Variants in LLGL1 observed in about 807,000 individuals in gnomAD.
LLGL1 encodes lethal(2) giant larvae protein homolog 1.
Under a neutral mutation model 110.6 loss-of-function variants are expected in LLGL1, and 58 were observed. That is an observed-to-expected ratio of 0.52 (90% CI 0.42 to 0.65). LLGL1 has a LOEUF of 0.65. LLGL1 is among the 30% of genes least tolerant of loss of function. The pLI is 0.00. For missense variants in LLGL1, 1,229 were observed against 1,462.1 expected (o/e 0.84, Z 2.60); for synonymous variants, 674 against 607.2 (o/e 1.11, Z -1.62).
intron 16 of LLGL1, among the ~76,000 whole-genome samples, chr17:18,239,746 G>A (rs1404890011): frequency 6.6e-6 from 1 of 151,826 alleles, no homozygotes; most frequent in Non-Finnish European, 1.5e-5. Context: ...GGGGTGGGGG[G>A]TTCTTTGACT....
At chr17:18,226,263 C>G (rs1169965955) in intron 1 of LLGL1, among the ~76,000 whole-genome samples, 3 of 152,216 alleles carry the variant, frequency 2.0e-5, no homozygotes, top group African/African-American at 7.2e-5. Context: ...GTGTCTCTCT[C>G]TCTGTCTCTG....
At chr17:18,238,318 G>A (rs1033875817) in intron 15 of LLGL1, 104 bp downstream of exon 15, 14 of 1,577,238 alleles carry the variant, frequency 8.9e-6, no homozygotes, top group Admixed American at 8.5e-5. Context: ...CTCCTCCCTC[G>A]GCAGCCCCTG....
At chr17:18,235,757 A>C in intron 11 of LLGL1, 1 of 562,170 alleles carries the variant, frequency 1.8e-6, no homozygotes, top group Non-Finnish European at 3.2e-6. Context: ...AGCTCTACCA[A>C]ACCCCAGGGC....
chr17:18,241,522 C>T lies in LLGL1; in HGVS notation c.2574C>T (p.Arg858=), dbSNP rs944372668. 8.7e-6 allele frequency: 14 copies of T among 1,613,762 alleles called. No individual in the cohort carries two copies. Among genetic ancestry groups the T allele is most frequent in the Admixed American group, 8.3e-5 (5 of 59,992 alleles). The change falls in exon 18 of 23, where the codon CGC becomes CGT. Residue 858 remains arginine, a synonymous_variant. Coordinates refer to ENST00000316843, the MANE Select transcript of LLGL1 (RefSeq NM_004140.4). ...KLTAHEGCRV[R]KVALATFASV... ...CGGCCCATGAGGGCTGTCGTGTGCG[C>T]AAGGTGGCACTGGCCACGTTTGCCA...
At chr17:18,237,982 C>A in intron 14 of LLGL1, 85 bp from the exon 15 acceptor site, 1 of 1,505,498 alleles carries the variant, frequency 6.6e-7, no homozygotes, top group Non-Finnish European at 9.1e-7. Flanking sequence ...ACTCCCTGAC[C>A]TGGGTGCCTC....
chr17:18,231,302 C>T (rs903557996), intron 2 of LLGL1, among the ~76,000 whole-genome samples: 5 of 152,214 alleles, frequency 3.3e-5, no homozygotes, highest in African/African-American at 4.8e-5. Flanking sequence ...ATCTCCTTGA[C>T]GACCCTGGTT....
intron 1 of LLGL1, 30 bp downstream of exon 1, chr17:18,225,793 G>C: frequency 1.0e-6 from 1 of 954,984 alleles, no homozygotes. Context: ...CCGGGCTCGG[G>C]CGGGAGGGGG....
rs1242245617 is a variant in LLGL1, at chr17:18,240,847, C to T, written c.2476C>T (p.Leu826Phe). ...TGACATGCAGGGTGGTCACGCTGTGCTCATCGCATCTGAGGAGCAGTTCAA... is the reference window on the plus strand; with the variant it reads ...TGACATGCAGGGTGGTCACGCTGTGTTCATCGCATCTGAGGAGCAGTTCAA... ...APDMQGGHAVLIASEEQFKVF... is the reference protein window; with the variant it reads ...APDMQGGHAVFIASEEQFKVF... Residue 826 changes from leucine (L) to phenylalanine (F), a missense_variant, in exon 17 of 23, where the codon CTC becomes TTC. By Grantham distance (22) the Leu-to-Phe change is conservative. Coordinates refer to ENST00000316843, the MANE Select transcript of LLGL1 (RefSeq NM_004140.4). The surrounding 1 kb of genome is among the most constrained non-coding windows in gnomAD (Gnocchi z 5.3). The T allele has an allele frequency of 6.5e-7, 1 of 1,547,396 alleles. No homozygotes were observed. The highest frequency in any genetic ancestry group is 8.8e-7 in the Non-Finnish European group (1 of 1,141,002).
At chr17:18,233,243 C>T (rs1459110245) in intron 4 of LLGL1, among the ~76,000 whole-genome samples, 1 of 152,090 alleles carries the variant, frequency 6.6e-6, no homozygotes, top group African/African-American at 2.4e-5. Context: ...CAAGGAGGGT[C>T]CCATGGGCTG....
Position 18,240,523 on chromosome 17 carries a change from C to G in LLGL1, c.2207-55C>G. 3.3e-6 allele frequency: 5 copies of G among 1,529,576 alleles called. No individual in the cohort carries two copies. In the South Asian group the frequency reaches 6.3e-5, roughly 19 times the overall value. 94.8% of individuals were successfully genotyped at this position (1,529,576 alleles called of 1,614,324 possible). On this transcript the variant is annotated intron_variant, in intron 16 of 22. Coordinates refer to ENST00000316843, the MANE Select transcript of LLGL1 (RefSeq NM_004140.4). This position sits in a 1 kb window ranked among gnomAD's most constrained non-coding sequence, Gnocchi z 5.3. ...GGACCTGCAGTCTGTGGGAAGACCC[C>G]AGGGGAGATGCCTGGCCCACAGGGA... is the stretch of plus-strand genomic sequence containing the variant.
rs752613461 is a variant in LLGL1 at position 18,233,926 on chromosome 17, G to A, written c.541G>A (p.Val181Ile). The change falls in exon 5 of 23, where the codon GTT becomes ATT. Residue 181 changes from valine (V) to isoleucine (I), a missense_variant. Transcript: ENST00000316843. ...GGGGCAGACGCTTGCCCCAGGCGAG[G>A]TTCTGCGCAGGTAAGAGGCCGGTGG... ...LEGQTLAPGE[V>I]LRSVPDDYRC... 1 of 1,612,374 alleles carries A rather than the reference G, an allele frequency of 6.2e-7. No homozygotes were observed. The highest frequency in any genetic ancestry group is 1.3e-5 in the African/African-American group (1 of 74,934).
chr17:18,241,753 C>G, intron 18 of LLGL1, 38 bp downstream of exon 18: 1 of 1,608,042 alleles, frequency 6.2e-7, no homozygotes, highest in Non-Finnish European at 8.5e-7. Flanking sequence ...CTTCCTCAGG[C>G]GAGCGAACTG....
At chr17:18,228,305 A>G (rs1188486396) in intron 1 of LLGL1, among the ~76,000 whole-genome samples, 1 of 152,176 alleles carries the variant, frequency 6.6e-6, no homozygotes, top group East Asian at 1.9e-4. Context: ...CTCCTGAGCG[A>G]CAGGAAGTGC....
rs745927303 is a variant in LLGL1, at chr17:18,232,780, C to T, written c.370C>T (p.Arg124Trp). 25 of 1,613,898 alleles carry T rather than the reference C, an allele frequency of 1.5e-5. No individual in the cohort carries two copies. The Admixed American group carries it at 2.5e-4, about 16-fold the overall frequency. The change falls in exon 4 of 23, where the codon CGG becomes TGG. Residue 124 changes from arginine to tryptophan, a missense_variant. Transcript: ENST00000316843. ...EEALSFQLPS[R>W]PGFDGASAPL... Reference sequence around the variant, plus strand: ...AGCACTCAGTTTCCAGCTGCCCAGCCGGCCCGGCTTTGATGGTGCCAGGTA... The same window carrying T: ...AGCACTCAGTTTCCAGCTGCCCAGCTGGCCCGGCTTTGATGGTGCCAGGTA...
chr17:18,240,852 C>G lies in LLGL1; in HGVS notation c.2481C>G (p.Ile827Met). The change falls in exon 17 of 23, where the codon ATC becomes ATG. Residue 827 changes from isoleucine to methionine, a missense_variant. Coordinates refer to ENST00000316843, the MANE Select transcript of LLGL1 (RefSeq NM_004140.4). The surrounding 1 kb of genome is among the most constrained non-coding windows in gnomAD (Gnocchi z 5.3). ...PDMQGGHAVL[I>M]ASEEQFKVFT... ...TGCAGGGTGGTCACGCTGTGCTCATCGCATCTGAGGAGCAGTTCAAGGTGA... is the reference window on the plus strand; with the variant it reads ...TGCAGGGTGGTCACGCTGTGCTCATGGCATCTGAGGAGCAGTTCAAGGTGA... 6.5e-7 allele frequency: 1 copy of G among 1,544,510 alleles called. No homozygotes were observed. The highest frequency in any genetic ancestry group is 8.8e-7 in the Non-Finnish European group (1 of 1,139,270).
At chr17:18,236,410 TG>T in intron 11 of LLGL1, 196 bp from the exon 12 acceptor site, 1 of 579,612 alleles carries the variant, frequency 1.7e-6, no homozygotes, top group Non-Finnish European at 3.0e-6. Flanking sequence ...ATGGTGCATG[TG>T]GCCTGGCCTA....
In LLGL1 at chr17:18,234,955, T is replaced by C; in HGVS notation, c.1022T>C (p.Ile341Thr). Residue 341 changes from isoleucine (I) to threonine (T), a missense_variant, in exon 9 of 23, where the codon ATC becomes ACC. Transcript: ENST00000316843. ...ACGCTGGACTTCACTTCCCGCATCA[T>C]CGACTTCTTCACAGTGCACAGCACA... ...LVTLDFTSRIIDFFTVHSTRP... is the reference protein window; with the variant it reads ...LVTLDFTSRITDFFTVHSTRP... The C allele has an allele frequency of 2.5e-6, 4 of 1,614,076 alleles. No homozygotes were observed. The highest frequency in any genetic ancestry group is 3.4e-6 in the Non-Finnish European group (4 of 1,180,008).
chr17:18,243,626 A>G (rs2047906223), intron 22 of LLGL1, among the ~76,000 whole-genome samples: 1 of 152,194 alleles, frequency 6.6e-6, no homozygotes, highest in Non-Finnish European at 1.5e-5. Flanking sequence ...TCATGTTCCC[A>G]GGCACCTGAC....
At chr17:18,235,590 C>T in intron 11 of LLGL1, 53 bp downstream of exon 11, 1 of 1,571,826 alleles carries the variant, frequency 6.4e-7, no homozygotes, top group East Asian at 2.2e-5. Flanking sequence ...TGGGGGAGAG[C>T]CCATCCTGGG....
Sources: allele counts gnomAD v4.1 joint callset (sites outside exome capture counted in the v4.1 genomes callset), GRCh38; gene constraint gnomAD v4.1.1; non-coding constraint Gnocchi (gnomAD v3.1); transcripts MANE v1.5; gene names NCBI Gene and HGNC (gene_info 2026-07-23, HGNC 2026-07-21).